The following SERPINB8 variants were observed in gnomAD, a reference collection of about 807,000 sequenced individuals.
The protein encoded by SERPINB8 is serpin family B member 8.
Under a neutral mutation model 35.3 loss-of-function variants are expected in SERPINB8, and 25 were observed. The ratio of observed to expected loss-of-function variants is 0.71; its 90% CI spans 0.52 to 0.99. The LOEUF is 0.99. Ranked by LOEUF, SERPINB8 falls within the 50% of genes least tolerant of loss-of-function variation. SERPINB8 has a pLI of 0.00. For missense variants in SERPINB8, 484 were observed against 446.5 expected, an observed-to-expected ratio of 1.08 and a Z score of -0.76; for synonymous variants, 186 against 160.8, an observed-to-expected ratio of 1.16 and a Z score of -1.19.
intron 1 of SERPINB8, among the ~76,000 whole-genome samples, chr18:63,997,203 G>T (rs1288445528): frequency 6.6e-6 from 1 of 152,188 alleles, no homozygotes; most frequent in Non-Finnish European, 1.5e-5. Context: ...CCTGTTATTG[G>T]GCCTAGGTAG....
chr18:64,009,703 T>G (rs551665731), downstream of SERPINB8, among the ~76,000 whole-genome samples: 8 of 152,344 alleles, frequency 5.3e-5, no homozygotes, highest in South Asian at 1.7e-3. Context: ...AAAAGTTTTT[T>G]TGTGAAGAAT....
At position 63,985,092 on chromosome 18, in the gene SERPINB8, GGA is replaced by G; in HGVS notation, c.568_569del (p.Glu190LysfsTer9). ...TRGMLFKTNE[E>X]KKTVQMMFKE... ...TAATCGAACTTTAATTTTTCCGTTA[GGA>G]AAAAAAGACAGTGCAGATGATGTTT... On this transcript the variant is annotated frameshift_variant and splice_region_variant, in exon 6 of 7. Coordinates refer to ENST00000397985, the MANE Select transcript of SERPINB8 (RefSeq NM_002640.4). LOFTEE classifies it high-confidence loss of function. The G allele has an allele frequency of 6.2e-7, 1 of 1,612,506 alleles. No homozygotes were observed.
At chr18:64,000,610 C>T (rs2050869825) in intron 1 of SERPINB8, among the ~76,000 whole-genome samples, 1 of 152,200 alleles carries the variant, frequency 6.6e-6, no homozygotes, top group African/African-American at 2.4e-5. Context: ...ATTTCTAGCT[C>T]TGGCCCCTCC....
chr18:64,008,654 A>G (rs2050911658), downstream of SERPINB8, among the ~76,000 whole-genome samples: 1 of 152,182 alleles, frequency 6.6e-6, no homozygotes, highest in Non-Finnish European at 1.5e-5. Flanking sequence ...TTATATGATT[A>G]TAGGACTGCA....
downstream of SERPINB8, among the ~76,000 whole-genome samples, chr18:64,009,609 G>A (rs1402757159): frequency 6.6e-6 from 1 of 152,208 alleles, no homozygotes; most frequent in Non-Finnish European, 1.5e-5. Context: ...ATCGCCCAGT[G>A]TAGTGTGCTG....
intron 4 of SERPINB8, among the ~76,000 whole-genome samples, chr18:63,983,251 C>T (rs913167335): frequency 1.3e-4 from 20 of 152,314 alleles, no homozygotes; most frequent in African/African-American, 4.8e-4. Flanking sequence ...AGAATCAAGA[C>T]TCTGGGGTGA....
chr18:63,999,205 A>G (rs1011563163), intron 1 of SERPINB8, among the ~76,000 whole-genome samples: 10 of 152,224 alleles, frequency 6.6e-5, no homozygotes, highest in African/African-American at 2.4e-4. Context: ...TGACTCAGGC[A>G]GCTGCCATCA....
intron 1 of SERPINB8, chr18:64,004,718 C>G (rs1224701679): frequency 5.0e-6 from 2 of 397,210 alleles, no homozygotes; most frequent in East Asian, 7.1e-5. Flanking sequence ...TGGTGCCACA[C>G]TGAACATTTT....
Position 63,987,364 on chromosome 18 carries a change from G to T in SERPINB8, c.*86G>T. ...TCCCTGTGACCTAGTTGGTGCAGTG[G>T]CTTGAATGCCAAAATAAAGCGTGTG... On this transcript the variant is annotated 3_prime_UTR_variant, in exon 7 of 7. Coordinates refer to ENST00000397985, the MANE Select transcript of SERPINB8 (RefSeq NM_002640.4). 1 of 1,360,056 alleles carries T rather than the reference G, an allele frequency of 7.4e-7. No individual in the cohort carries two copies. 84.2% of individuals were successfully genotyped at this position (1,360,056 alleles called of 1,614,324 possible).
intron 1 of SERPINB8, 106 bp downstream of exon 1, chr18:63,970,276 G>C (rs953655422): frequency 5.6e-6 from 1 of 177,108 alleles, no homozygotes; most frequent in African/African-American, 2.4e-5. Flanking sequence ...AGGGAGGAAG[G>C]CCAGAGCAGG....
At chr18:63,981,668 A>C in intron 3 of SERPINB8, 53 bp from the exon 4 acceptor site, 1 of 1,250,866 alleles carries the variant, frequency 8.0e-7, no homozygotes, top group Non-Finnish European at 1.2e-6. Flanking sequence ...ATGCTTTTGC[A>C]TTTGTGGGAA....
At chr18:64,005,775 G>C (rs2050897246), downstream of SERPINB8, 1 of 152,194 alleles carries the variant, frequency 6.6e-6, no homozygotes, top group Non-Finnish European at 1.5e-5. Context: ...CTCAGTCTGT[G>C]CTCAACTTCA....
chr18:64,006,797 C>G (rs1303990188), downstream of SERPINB8, among the ~76,000 whole-genome samples: 1 of 151,634 alleles, frequency 6.6e-6, no homozygotes, highest in Non-Finnish European at 1.5e-5. Flanking sequence ...AATTCAATGA[C>G]AAAATAAAGT....
downstream of SERPINB8, among the ~76,000 whole-genome samples, chr18:64,007,770 C>T (rs1227669357): frequency 6.6e-6 from 1 of 152,132 alleles, no homozygotes; most frequent in Non-Finnish European, 1.5e-5. Flanking sequence ...ATGAGAACAG[C>T]ACCAAGAAGG....
At chr18:63,998,685 C>G (rs987199191) in intron 1 of SERPINB8, among the ~76,000 whole-genome samples, 1 of 152,140 alleles carries the variant, frequency 6.6e-6, no homozygotes, top group Non-Finnish European at 1.5e-5. Flanking sequence ...CATGCAAGTT[C>G]CCTCCATCCT....
At chr18:64,011,955 G>A (rs1184303739) in intron 7 of SERPINB8, among the ~76,000 whole-genome samples, 10 of 152,062 alleles carry the variant, frequency 6.6e-5, no homozygotes, top group Admixed American at 6.6e-4. Flanking sequence ...TGAGTTAATA[G>A]TATTATGTTT....
At chr18:64,009,873 A>G (rs900001113), downstream of SERPINB8, among the ~76,000 whole-genome samples, 8 of 152,308 alleles carry the variant, frequency 5.3e-5, no homozygotes, top group African/African-American at 1.9e-4. Context: ...AACCTTAGTG[A>G]AGTGAAGGAT....
At chr18:64,006,300 T>G (rs568029092), downstream of SERPINB8, among the ~76,000 whole-genome samples, 1 of 152,322 alleles carries the variant, frequency 6.6e-6, no homozygotes, top group South Asian at 2.1e-4. Context: ...TGTTATGGAT[T>G]GAATGTTTTT....
At chr18:64,008,593 A>G (rs1029472121), downstream of SERPINB8, among the ~76,000 whole-genome samples, 2 of 152,070 alleles carry the variant, frequency 1.3e-5, no homozygotes, top group African/African-American at 2.4e-5. Context: ...GGCCAGAACA[A>G]TATACAAAAG....
Sources: allele counts gnomAD v4.1 joint callset (sites outside exome capture counted in the v4.1 genomes callset), GRCh38; gene constraint gnomAD v4.1.1; transcripts MANE v1.5; gene names NCBI Gene and HGNC (gene_info 2026-07-23, HGNC 2026-07-21).